The following WDR64 variants were observed in gnomAD, a reference collection of about 807,000 sequenced individuals.
WDR64 encodes the protein WD repeat domain 64.
In WDR64, 112 loss-of-function variants were observed where a neutral mutation model predicts 139.3. The ratio of observed to expected loss-of-function variants is 0.80; its 90% CI spans 0.69 to 0.94. The LOEUF is 0.94. Among genes scored for constraint, WDR64 ranks in the 40% least tolerant of loss-of-function variants. WDR64 has a pLI of 0.00. For synonymous variants in WDR64, 444 were observed against 437.7 expected (o/e 1.01, Z -0.18); for missense variants, 1,206 against 1,293.1 (o/e 0.93, Z 1.03).
At chr1:241,799,222 AATAC>A in intron 27 of WDR64, among the ~76,000 whole-genome samples, 3 of 135,072 alleles carry the variant, frequency 2.2e-5, no homozygotes, top group African/African-American at 8.0e-5. Flanking sequence ...AAAAAAAAAA[AATAC>A]AAAAATTAGC....
chr1:241,795,341 A>C lies in WDR64; in HGVS notation c.3078+54A>C. ...GTCACAGAACAGTAGAGAATCTGCCATCTCATTCCTGACCCTGGGCTACCA... is the reference window on the plus strand; with the variant it reads ...GTCACAGAACAGTAGAGAATCTGCCCTCTCATTCCTGACCCTGGGCTACCA... On this transcript the variant is annotated intron_variant, in intron 26 of 27. Coordinates refer to ENST00000437684, the MANE Select transcript of WDR64 (RefSeq NM_001367482.1). The C allele has an allele frequency of 2.0e-6, 3 of 1,494,686 alleles. No individual in the cohort carries two copies. In the Admixed American group the frequency reaches 5.7e-5, roughly 28 times the overall value. The allele number at this position is 1,494,686 out of a possible 1,614,324, so 92.6% of individuals were successfully genotyped here.
intron 25 of WDR64, among the ~76,000 whole-genome samples, chr1:241,794,290 C>CA (rs1408469470): frequency 6.6e-6 from 1 of 151,922 alleles, no homozygotes; most frequent in African/African-American, 2.4e-5. Context: ...TAACCTGTAA[C>CA]AGATACTCAA....
At chr1:241,799,955 T>C (rs1659474346) in intron 27 of WDR64, among the ~76,000 whole-genome samples, 1 of 152,196 alleles carries the variant, frequency 6.6e-6, no homozygotes, top group African/African-American at 2.4e-5. Flanking sequence ...GTCATTTTTA[T>C]TGCCTTTATC....
chr1:241,766,393 G>A, intron 16 of WDR64, 42 bp downstream of exon 16: 1 of 1,594,348 alleles, frequency 6.3e-7, no homozygotes, highest in Non-Finnish European at 8.5e-7. Context: ...AAGCTTTACT[G>A]CAGAAGGGCT....
At chr1:241,768,701 C>G (rs1658287067) in intron 16 of WDR64, among the ~76,000 whole-genome samples, 1 of 152,118 alleles carries the variant, frequency 6.6e-6, no homozygotes, top group Non-Finnish European at 1.5e-5. Flanking sequence ...GGTCTATTTG[C>G]TATAATGAAT....
intron 15 of WDR64, among the ~76,000 whole-genome samples, chr1:241,759,250 T>C (rs1027255214): frequency 6.6e-6 from 1 of 152,160 alleles, no homozygotes; most frequent in Non-Finnish European, 1.5e-5. Flanking sequence ...TTAGGGTATA[T>C]AGCATGTGGA....
chr1:241,708,699 T>TC (rs1668051118), intron 8 of WDR64, among the ~76,000 whole-genome samples: 1 of 59,764 alleles, frequency 1.7e-5, no homozygotes, highest in Admixed American at 1.4e-4. Flanking sequence ...ATGGTTTTTT[T>TC]TTTTGTTTTT....
intron 4 of WDR64, among the ~76,000 whole-genome samples, chr1:241,675,258 C>CCCTCCCTCCTTCCTT (rs1666503968): frequency 2.0e-5 from 2 of 99,922 alleles, no homozygotes; most frequent in African/African-American, 4.3e-5. Flanking sequence ...CTTCCTTCCT[C>CCCTCCCTCCTTCCTT]CCTCCCTTCC....
chr1:241,736,412 G>C (rs181912455), intron 10 of WDR64, among the ~76,000 whole-genome samples: 43 of 103,674 alleles, frequency 4.1e-4, no homozygotes, highest in Admixed American at 4.1e-3. Flanking sequence ...TTATGGAAGA[G>C]TTTAAAAAAA....
intron 10 of WDR64, among the ~76,000 whole-genome samples, chr1:241,724,879 A>T (rs557261917): frequency 2.0e-5 from 3 of 152,146 alleles, no homozygotes; most frequent in Non-Finnish European, 4.4e-5. Context: ...CTATAAAGTA[A>T]TTCTCCCCAT....
intron 4 of WDR64, among the ~76,000 whole-genome samples, chr1:241,676,745 G>GTTTTTTTTTTTTTTTTT (rs11342790): frequency 8.0e-6 from 1 of 124,358 alleles, no homozygotes; most frequent in African/African-American, 3.0e-5. Context: ...AAAATTAATG[G>GTTTTTTTTTTTTTTTTT]TTTTTTTTTT....
intron 21 of WDR64, among the ~76,000 whole-genome samples, chr1:241,776,103 G>C (rs1658648333): frequency 6.6e-6 from 1 of 151,788 alleles, no homozygotes; most frequent in South Asian, 2.1e-4. Flanking sequence ...ATTTGAGACA[G>C]AGTCTATCCC....
chr1:241,654,558 C>G (rs1665499702), intron 1 of WDR64, among the ~76,000 whole-genome samples: 1 of 152,158 alleles, frequency 6.6e-6, no homozygotes, highest in Non-Finnish European at 1.5e-5. Flanking sequence ...TTTTTCCCAT[C>G]TCAATTCTTT....
At position 241,687,595 on chromosome 1, in the gene WDR64, T is replaced by G; in HGVS notation, c.974T>G (p.Leu325Trp). Reference protein sequence around the residue: ...LESLKRLEDNLPVREFSMPRG... With the variant: ...LESLKRLEDNWPVREFSMPRG... ...TCCTTGAAGAGACTCGAGGATAATT[T>G]GTAAGTATAGTAATTTATATACATG... is the stretch of plus-strand genomic sequence containing the variant. The change falls in exon 8 of 28, where the codon TTG becomes TGG. Residue 325 changes from leucine (L) to tryptophan (W), a missense_variant and splice_region_variant. Transcript: ENST00000437684. 6.2e-7 allele frequency: 1 copy of G among 1,611,888 alleles called. No individual in the cohort carries two copies. The highest frequency in any genetic ancestry group is 1.1e-5 in the South Asian group (1 of 90,960).
Position 241,738,357 on chromosome 1 carries a change from T to C in WDR64, c.1195-6T>C. The C allele has an allele frequency of 6.2e-7, 1 of 1,611,530 alleles. No individual in the cohort carries two copies. Among genetic ancestry groups the C allele is most frequent in the Non-Finnish European group, 8.5e-7 (1 of 1,179,268 alleles). On this transcript the variant is annotated splice_polypyrimidine_tract_variant and splice_region_variant and intron_variant, in intron 10 of 27. Coordinates refer to ENST00000437684, the MANE Select transcript of WDR64 (RefSeq NM_001367482.1). The stretch of plus-strand genomic sequence containing the variant: ...TAGTGGTAAACTGTGTTTGTTATTC[T>C]TCCAGGTTTTCCGGGTGTGGGATAT...
intron 10 of WDR64, among the ~76,000 whole-genome samples, chr1:241,735,855 C>CTCTCTCTG (rs1248435698): frequency 4.9e-4 from 35 of 71,708 alleles, no homozygotes; most frequent in African/African-American, 1.4e-3. Context: ...CTCTCTCTCT[C>CTCTCTCTG]TGTGTGTGTG....
rs751188537 is a variant in WDR64, at chr1:241,802,471, A to C, written c.*1256A>C. 6.6e-5 allele frequency among the ~76,000 whole-genome samples: 10 copies of C among 152,216 alleles called. No homozygotes were observed. Among genetic ancestry groups the C allele is most frequent in the Non-Finnish European group, 1.2e-4 (8 of 68,018 alleles). Reference sequence around the variant, plus strand: ...TGGGGTGAATGGTAATGTTATCTTAATAAAGTTTGGGTTATACAGCTAGGT... The same window carrying C: ...TGGGGTGAATGGTAATGTTATCTTACTAAAGTTTGGGTTATACAGCTAGGT... On this transcript the variant is annotated 3_prime_UTR_variant, in exon 28 of 28. Transcript: ENST00000437684.
At position 241,711,180 on chromosome 1, in the gene WDR64, T is replaced by C. The variant is rs577946544; in HGVS notation, c.975-622T>C. Among the ~76,000 whole-genome samples, 10 of 149,800 alleles carry C rather than the reference T, an allele frequency of 6.7e-5. No homozygotes were observed. The South Asian group carries it at 2.1e-3, about 31-fold the overall frequency. ...TGAACCTGGGAGACAGAGGTTACAG[T>C]GAGCCAAGATTGTGCCACTGCACTC... On this transcript the variant is annotated intron_variant, in intron 8 of 27. Transcript: ENST00000437684.
chr1:241,790,833 G>C (rs1181793021), intron 25 of WDR64, 137 bp downstream of exon 25: 5 of 726,536 alleles, frequency 6.9e-6, no homozygotes, highest in South Asian at 6.0e-5. Context: ...TATAAACTTG[G>C]TGGCTTAAAC....
Sources: gnomAD v4.1 joint callset for allele counts (sites outside exome capture counted in the v4.1 genomes callset) on GRCh38, gnomAD v4.1.1 for gene constraint, MANE v1.5 for transcripts, NCBI Gene and HGNC (gene_info 2026-07-23, HGNC 2026-07-21) for gene names.